Variants in XAF1 observed in about 807,000 individuals in gnomAD.
The protein encoded by XAF1 is XIAP associated factor 1, also known as XIAP-associated factor 1.
Under a neutral mutation model 32.3 loss-of-function variants are expected in XAF1, and 32 were observed. That is an observed-to-expected ratio of 0.99 (90% CI 0.75 to 1.33). The LOEUF (loss-of-function observed/expected upper bound fraction) is 1.33, where lower values mean the gene tolerates loss of function less well. Ranked by LOEUF, XAF1 falls within the 40% of genes most tolerant of loss-of-function variation. XAF1 has a pLI of 0.00. For missense variants in XAF1, 379 were observed against 366.0 expected (o/e 1.04, Z -0.29); for synonymous variants, 120 against 125.9 (o/e 0.95, Z 0.31).
chr17:6,770,727 G>A lies in XAF1; in HGVS notation c.592G>A (p.Ala198Thr). Residue 198 changes from alanine to threonine, a missense_variant, in exon 6 of 7, where the codon GCT becomes ACT. Ala to Thr is a moderately conservative substitution (Grantham distance 58). Transcript: ENST00000361842. ...EILPSSLPSQ[A>T]AENQTSTMEK... ...TCTTCCTTCATCTCTTCCAAGTCAA[G>A]CTGCTGAAAATCAAACTTCCACGAT... 1.2e-6 allele frequency: 2 copies of A among 1,613,872 alleles called. No homozygotes were observed. Among genetic ancestry groups the A allele is most frequent in the Non-Finnish European group, 1.7e-6 (2 of 1,179,980 alleles).
At position 6,760,501 on chromosome 17, in the gene XAF1, C is replaced by T; in HGVS notation, c.321C>T (p.Ser107=). The T allele has an allele frequency of 6.2e-7, 1 of 1,613,104 alleles. No individual in the cohort carries two copies. Among genetic ancestry groups the T allele is most frequent in the Non-Finnish European group, 8.5e-7 (1 of 1,179,792 alleles). ...AGCTCCACGAGTCCTACTGTGGCAG[C>T]CGGACAGAGCTCTGCCAAGGCTGTG... ...KLELHESYCG[S]RTELCQGCGQ... is the part of the protein sequence containing the mutation. Residue 107 remains serine (S), a synonymous_variant, in exon 4 of 7, where the codon AGC becomes AGT. Transcript: ENST00000361842.
chr17:6,762,045 C>CG (rs772987482), intron 4 of XAF1, 110 bp from the exon 5 acceptor site: 14 of 1,571,020 alleles, frequency 8.9e-6, no homozygotes, highest in East Asian at 2.3e-5. Flanking sequence ...CAGGCAGGTC[C>CG]GGGGGGCAGT....
chr17:6,773,017 T>C, intron 6 of XAF1, 96 bp from the exon 7 acceptor site: 1 of 1,102,802 alleles, frequency 9.1e-7, no homozygotes. Flanking sequence ...GCAGGGCTCA[T>C]GCTCTGTAAC....
intron 5 of XAF1, among the ~76,000 whole-genome samples, chr17:6,767,374 T>C (rs1024493003): frequency 2.0e-5 from 3 of 152,216 alleles, no homozygotes; most frequent in African/African-American, 7.2e-5. Context: ...GGTTGATTTC[T>C]TTGAAATCAG....
At position 6,773,138 on chromosome 17, in the gene XAF1, C is replaced by T; in HGVS notation, c.875C>T (p.Ser292Leu). 1.2e-6 allele frequency: 2 copies of T among 1,605,378 alleles called. No homozygotes were observed. The highest frequency in any genetic ancestry group is 1.7e-6 in the Non-Finnish European group (2 of 1,177,472). ...HQEKCRWLAS[S>L]KGKQVRNFS ...GAGAAATGCCGGTGGTTAGCTTCAT[C>T]AAAAGGAAAACAAGTGAGAAATTTC... The change falls in exon 7 of 7, where the codon TCA becomes TTA. Residue 292 changes from serine to leucine, a missense_variant. Ser to Leu is a moderately radical substitution (Grantham distance 145). Transcript: ENST00000361842.
chr17:6,766,522 CCA>C (rs763950995), intron 5 of XAF1, among the ~76,000 whole-genome samples: 1 of 152,102 alleles, frequency 6.6e-6, no homozygotes, highest in Admixed American at 6.5e-5. Context: ...ACCACCCATC[CCA>C]CACACACACC....
At chr17:6,756,296 G>A (rs922788567) in intron 1 of XAF1, 186 bp downstream of exon 1, 8 of 1,378,132 alleles carry the variant, frequency 5.8e-6, no homozygotes, top group Non-Finnish European at 7.6e-6. Flanking sequence ...GGTGGGGGTG[G>A]GCAGCATTAC....
intron 6 of XAF1, chr17:6,772,898 T>C (rs1289772488): frequency 8.3e-6 from 4 of 482,928 alleles, no homozygotes; most frequent in Non-Finnish European, 1.4e-5. Flanking sequence ...CATCTGTCCC[T>C]CCACCCAGTG....
At chr17:6,764,412 C>G (rs1003221057) in intron 5 of XAF1, among the ~76,000 whole-genome samples, 1 of 152,140 alleles carries the variant, frequency 6.6e-6, no homozygotes, top group African/African-American at 2.4e-5. Flanking sequence ...AGCAATTCTC[C>G]CCTCTCTGTC....
chr17:6,765,375 T>C (rs1205565349), intron 5 of XAF1, among the ~76,000 whole-genome samples: 3 of 152,152 alleles, frequency 2.0e-5, no homozygotes, highest in African/African-American at 7.2e-5. Flanking sequence ...ATCACGCCAC[T>C]ACACTGCAGC....
At position 6,759,726 on chromosome 17, in the gene XAF1, C is replaced by T. The variant is rs1567648036; in HGVS notation, c.225+8C>T. On this transcript the variant is annotated splice_region_variant and intron_variant, in intron 3 of 6. Coordinates refer to ENST00000361842, the MANE Select transcript of XAF1 (RefSeq NM_017523.5). ...TCGCTGGAGTTTCATAAGGTAAGAG[C>T]CCCATGTGATTTCTCCTTTACAGCC... 2 of 1,613,948 alleles carry T rather than the reference C, an allele frequency of 1.2e-6. No homozygotes were observed. The highest frequency in any genetic ancestry group is 4.5e-5 in the East Asian group (2 of 44,872).
rs778029898 is a variant in XAF1 at position 6,759,823 on chromosome 17, C to T, written c.225+105C>T. 14 of 1,573,444 alleles carry T rather than the reference C, an allele frequency of 8.9e-6. No individual in the cohort carries two copies. In the African/African-American group the frequency reaches 1.5e-4, roughly 17 times the overall value. ...AGTAATAGAGATTTCCACCTGACCA[C>T]TCTTTTCACCCCATTAGGCTTGGAG... On this transcript the variant is annotated intron_variant, in intron 3 of 6. Transcript: ENST00000361842.
At chr17:6,756,160 C>T (rs374743262) in intron 1 of XAF1, 50 bp downstream of exon 1, 16 of 1,613,144 alleles carry the variant, frequency 9.9e-6, no homozygotes, top group Admixed American at 5.0e-5. Context: ...GAGGGAGAGA[C>T]GTAGACGACA....
chr17:6,755,669 T>C, upstream of XAF1: 1 of 1,039,428 alleles, frequency 9.6e-7, no homozygotes. Context: ...CCCTCTTTCC[T>C]GCAGGGGAGG....
intron 5 of XAF1, among the ~76,000 whole-genome samples, chr17:6,768,685 T>C (rs1975801130): frequency 6.6e-6 from 1 of 152,242 alleles, no homozygotes; most frequent in South Asian, 2.1e-4. Context: ...CCATCCCACT[T>C]CTGTTATTGC....
chr17:6,757,427 CG>C, intron 1 of XAF1: 1 of 152,338 alleles, frequency 6.6e-6, no homozygotes, highest in East Asian at 1.9e-4. Flanking sequence ...TGTGAGTTAG[CG>C]CAGGTGAACC....
At chr17:6,759,639 T>TGG in intron 2 of XAF1, 23 bp from the exon 3 acceptor site, 1 of 1,603,234 alleles carries the variant, frequency 6.2e-7, no homozygotes, top group Non-Finnish European at 8.5e-7. Flanking sequence ...GGTGTGTGTG[T>TGG]GTGTGTGTGT....
chr17:6,769,683 AT>A (rs1975877776), intron 5 of XAF1, among the ~76,000 whole-genome samples: 1 of 152,072 alleles, frequency 6.6e-6, no homozygotes, highest in Non-Finnish European at 1.5e-5. Context: ...TCTATGACCT[AT>A]TTTGAGGCTG....
chr17:6,769,331 T>C (rs1597750107), intron 5 of XAF1, among the ~76,000 whole-genome samples: 1 of 152,298 alleles, frequency 6.6e-6, no homozygotes, highest in Admixed American at 6.5e-5. Flanking sequence ...GTGATTGATA[T>C]GTTAATTAAC....
Sources: allele counts gnomAD v4.1 joint callset (sites outside exome capture counted in the v4.1 genomes callset), GRCh38; gene constraint gnomAD v4.1.1; transcripts MANE v1.5; gene names NCBI Gene and HGNC (gene_info 2026-07-23, HGNC 2026-07-21).